FARP1: variants seen among roughly 807,000 people sequenced by gnomAD.
FARP1 encodes FERM, ARH/RhoGEF and pleckstrin domain protein 1, also known as FERM, ARHGEF and pleckstrin domain-containing protein 1.
In FARP1, 52 loss-of-function variants were observed where a neutral mutation model predicts 128.8. That is an observed-to-expected ratio of 0.40 (90% confidence interval 0.32 to 0.51). The LOEUF (loss-of-function observed/expected upper bound fraction) is 0.51. Ranked by LOEUF, FARP1 falls within the 20% of genes least tolerant of loss-of-function variation. The probability of loss-of-function intolerance (pLI) is 0.45; values close to 1 mark genes in which losing one functional copy is unlikely to be tolerated. For synonymous variants in FARP1, 580 were observed against 551.8 expected, an observed-to-expected ratio of 1.05 and a Z score of -0.72; for missense variants, 1,333 against 1,367.9, an observed-to-expected ratio of 0.97 and a Z score of 0.40.
intron 2 of FARP1, among the ~76,000 whole-genome samples, chr13:98,228,320 A>G (rs756905363): frequency 3.3e-5 from 5 of 152,214 alleles, no homozygotes; most frequent in Non-Finnish European, 5.9e-5. Context: ...AGATCGTGCC[A>G]TTGCACTTCA....
intron 2 of FARP1, among the ~76,000 whole-genome samples, chr13:98,229,165 C>T (rs926276571): frequency 1.3e-5 from 2 of 152,196 alleles, no homozygotes; most frequent in African/African-American, 4.8e-5. Flanking sequence ...TAATTCCTCG[C>T]TAGTGACACA....
At chr13:98,249,306 A>G (rs544312317) in intron 2 of FARP1, among the ~76,000 whole-genome samples, 11 of 152,350 alleles carry the variant, frequency 7.2e-5, no homozygotes, top group African/African-American at 2.2e-4. Flanking sequence ...GCCTTTGGAA[A>G]TATTGCAAGT....
At chr13:98,420,448 T>G (rs959539449) in intron 16 of FARP1, among the ~76,000 whole-genome samples, 1 of 152,194 alleles carries the variant, frequency 6.6e-6, no homozygotes, top group African/African-American at 2.4e-5. Flanking sequence ...TGCTGCTGAA[T>G]GACTGACCAG....
chr13:98,313,652 T>C (rs979841139), intron 2 of FARP1, among the ~76,000 whole-genome samples: 2 of 152,216 alleles, frequency 1.3e-5, no homozygotes, highest in Non-Finnish European at 2.9e-5. Context: ...CTCTCTATGA[T>C]AGCTAAGGCT....
At chr13:98,206,115 G>T (rs1880245456) in intron 1 of FARP1, among the ~76,000 whole-genome samples, 1 of 151,932 alleles carries the variant, frequency 6.6e-6, no homozygotes, top group African/African-American at 2.4e-5. Context: ...CTTTGCAGGA[G>T]CCTCAGTGGG....
chr13:98,354,814 G>T (rs1309212110), intron 3 of FARP1, among the ~76,000 whole-genome samples: 1 of 152,174 alleles, frequency 6.6e-6, no homozygotes, highest in Non-Finnish European at 1.5e-5. Context: ...TAGAGGGAAA[G>T]AAGTCTTAGA....
At chr13:98,372,860 G>A (rs770877014) in intron 5 of FARP1, among the ~76,000 whole-genome samples, 46 of 152,110 alleles carry the variant, frequency 3.0e-4, no homozygotes, top group African/African-American at 7.2e-5. Flanking sequence ...TGTGTTTACC[G>A]GTTCAGTTTT....
chr13:98,385,540 A>G (rs1207786951), intron 7 of FARP1, 127 bp from the exon 8 acceptor site: 11 of 1,003,842 alleles, frequency 1.1e-5, no homozygotes, highest in Admixed American at 2.0e-5. Context: ...GTGTCATCTG[A>G]TCGGGTAGCC....
At chr13:98,264,218 C>T (rs1467252672) in intron 2 of FARP1, among the ~76,000 whole-genome samples, 1 of 152,102 alleles carries the variant, frequency 6.6e-6, no homozygotes, top group Non-Finnish European at 1.5e-5. Flanking sequence ...ATGGCCATAC[C>T]TCCTCCCTCA....
intron 2 of FARP1, 28 bp downstream of exon 2, chr13:98,213,441 G>A (rs772886896): frequency 1.2e-6 from 2 of 1,607,994 alleles, no homozygotes; most frequent in East Asian, 4.5e-5. Flanking sequence ...CTGTAACCCA[G>A]GAGTGTGGTA....
chr13:98,208,946 A>G (rs1880477763), intron 1 of FARP1, among the ~76,000 whole-genome samples: 2 of 152,196 alleles, frequency 1.3e-5, no homozygotes, highest in South Asian at 2.1e-4. Context: ...ACTCTACAAA[A>G]TGAGATTTGG....
At chr13:98,355,909 C>A (rs1457710164) in intron 3 of FARP1, among the ~76,000 whole-genome samples, 1 of 151,946 alleles carries the variant, frequency 6.6e-6, no homozygotes, top group Non-Finnish European at 1.5e-5. Flanking sequence ...GGAGATTTTT[C>A]ACAAATTCTT....
chr13:98,168,007 C>T (rs1877391970), intron 1 of FARP1, among the ~76,000 whole-genome samples: 1 of 151,812 alleles, frequency 6.6e-6, no homozygotes, highest in South Asian at 2.1e-4. Context: ...CCCGTCTCTA[C>T]TAAAAATAGA....
chr13:98,142,901 G>A (rs1437209991), upstream of FARP1: 1 of 151,588 alleles, frequency 6.6e-6, no homozygotes, highest in Non-Finnish European at 1.5e-5. Context: ...GATCCCCGGC[G>A]GCGCGCTGGG....
At chr13:98,386,069 A>G in intron 8 of FARP1, 1 of 453,864 alleles carries the variant, frequency 2.2e-6, no homozygotes, top group East Asian at 4.0e-5. Context: ...AGCATCACAG[A>G]AACATGTAGC....
chr13:98,176,550 C>T lies in FARP1; in HGVS notation c.-24+33058C>T. On this transcript the variant is annotated intron_variant, in intron 1 of 26. Transcript: ENST00000319562. This position sits in a 1 kb window ranked among gnomAD's most constrained non-coding sequence, Gnocchi z 6.2. ...AGATACAGTAGCGACCCTCTTCAAG[C>T]TCCCGTTCAATCTCCCACCCGAGCT... 17 of 1,614,218 alleles carry T rather than the reference C, an allele frequency of 1.1e-5. No homozygotes were observed. In the South Asian group the frequency reaches 1.9e-4, roughly 18 times the overall value.
At chr13:98,319,961 T>G (rs1328799254) in intron 2 of FARP1, among the ~76,000 whole-genome samples, 1 of 152,222 alleles carries the variant, frequency 6.6e-6, no homozygotes, top group Non-Finnish European at 1.5e-5. Context: ...TGAGGTAACT[T>G]AAGCAGAAAA....
intron 2 of FARP1, among the ~76,000 whole-genome samples, chr13:98,290,836 C>T (rs2139664037): frequency 6.6e-6 from 1 of 152,156 alleles, no homozygotes; most frequent in East Asian, 1.9e-4. Context: ...GTTTTTGGGC[C>T]AAGGAGCTGG....
At chr13:98,420,209 T>C (rs1891542751) in intron 16 of FARP1, among the ~76,000 whole-genome samples, 14 of 152,138 alleles carry the variant, frequency 9.2e-5, no homozygotes, top group Admixed American at 9.2e-4. Flanking sequence ...GAGGGCAAAG[T>C]ATTGATTTAT....
Sources: gnomAD v4.1 joint callset for allele counts (sites outside exome capture counted in the v4.1 genomes callset) on GRCh38, gnomAD v4.1.1 for gene constraint, Gnocchi (gnomAD v3.1) non-coding constraint, MANE v1.5 for transcripts, NCBI Gene and HGNC (gene_info 2026-07-23, HGNC 2026-07-21) for gene names.